IL36B: variants seen among roughly 807,000 people sequenced by gnomAD.
IL36B encodes the protein interleukin 36 beta, also known as interleukin-36 beta.
A neutral mutation model predicts 19.3 loss-of-function variants in IL36B; 23 were observed. The ratio of observed to expected loss-of-function variants is 1.19; its 90% CI spans 0.86 to 1.69. The LOEUF (loss-of-function observed/expected upper bound fraction) is 1.69, where lower values mean the gene tolerates loss of function less well. Among genes scored for constraint, IL36B ranks in the 40% most tolerant of loss-of-function variants. IL36B has a pLI of 0.00. For synonymous variants in IL36B, 59 were observed against 59.7 expected, an observed-to-expected ratio of 0.99 and a Z score of 0.05; for missense variants, 217 against 200.5, an observed-to-expected ratio of 1.08 and a Z score of -0.50.
At chr2:113,035,824 ACAATGCCT>A (rs1685157075) in intron 1 of IL36B, among the ~76,000 whole-genome samples, 1 of 152,190 alleles carries the variant, frequency 6.6e-6, no homozygotes, top group African/African-American at 2.4e-5. Context: ...TCTGACATAG[ACAATGCCT>A]TTCCTGACTG....
intron 1 of IL36B, among the ~76,000 whole-genome samples, chr2:113,034,246 T>C (rs935192606): frequency 1.3e-5 from 2 of 152,174 alleles, no homozygotes; most frequent in Non-Finnish European, 2.9e-5. Flanking sequence ...CCTGCAAGCT[T>C]ATCTTCGCCT....
intron 4 of IL36B, 94 bp from the exon 5 acceptor site, chr2:113,028,209 C>A: frequency 2.0e-6 from 2 of 976,970 alleles, no homozygotes; most frequent in Non-Finnish European, 3.2e-6. Context: ...GGGACTGCTG[C>A]CCCCAAAGGA....
chr2:113,040,601 C>T (rs13418761), intron 1 of IL36B, among the ~76,000 whole-genome samples: 7,602 of 152,120 alleles, frequency 0.05, 634 homozygotes, highest in African/African-American at 0.17. Flanking sequence ...TGGCAGCAGG[C>T]TATCAGAAAA....
At chr2:113,028,582 T>G (rs1370186852) in intron 4 of IL36B, among the ~76,000 whole-genome samples, 1 of 152,202 alleles carries the variant, frequency 6.6e-6, no homozygotes, top group Non-Finnish European at 1.5e-5. Context: ...AATCTTTTTG[T>G]CTCCTCTGCT....
rs1458255446 is a variant in IL36B, at chr2:113,037,747, T to C, written c.-57-5981A>G. Among the ~76,000 whole-genome samples, 3 of 152,344 alleles carry C rather than the reference T, an allele frequency of 2.0e-5. No homozygotes were observed. The East Asian group carries it at 5.8e-4, about 29-fold the overall frequency. Reference sequence around the variant, plus strand: ...AGAGGAGTTTTCTATATCCTTATGATTGTCCTTTAATATTTTCTGTCATTT... The same window carrying C: ...AGAGGAGTTTTCTATATCCTTATGACTGTCCTTTAATATTTTCTGTCATTT... On this transcript the variant is annotated intron_variant, in intron 1 of 5. Coordinates refer to ENST00000259213, the MANE Select transcript of IL36B (RefSeq NM_014438.5).
At chr2:113,047,675 C>A (rs1233380009) in intron 1 of IL36B, among the ~76,000 whole-genome samples, 33 of 152,140 alleles carry the variant, frequency 2.2e-4, no homozygotes, top group Non-Finnish European at 2.9e-5. Flanking sequence ...GGTATTGTGA[C>A]CTTTGAAATG....
Position 113,028,997 on chromosome 2 carries a change from C to T in IL36B, c.203G>A (p.Gly68Glu), listed in dbSNP as rs749951364. 1.2e-6 allele frequency: 2 copies of T among 1,614,118 alleles called. No homozygotes were observed. The highest frequency in any genetic ancestry group is 2.2e-5 in the South Asian group (2 of 91,068). ...TGCACAGAAGAGACAGAGATCTTTTCCCTTGATTCCCAGGTAAACCATATT... is the reference window on the plus strand; with the variant it reads ...TGCACAGAAGAGACAGAGATCTTTTTCCTTGATTCCCAGGTAAACCATATT... The change falls in exon 4 of 6, where the codon GGA becomes GAA. Residue 68 changes from glycine to glutamate, a missense_variant. Physicochemically the swap from Gly to Glu is moderately conservative, Grantham distance 98 (BLOSUM62 -2). Coordinates refer to ENST00000259213, the MANE Select transcript of IL36B (RefSeq NM_014438.5).
At chr2:113,026,865 AT>A (rs1188350991) in intron 4 of IL36B, among the ~76,000 whole-genome samples, 1 of 152,230 alleles carries the variant, frequency 6.6e-6, no homozygotes, top group Non-Finnish European at 1.5e-5. Flanking sequence ...TAAAATATGG[AT>A]TGGTTTACAT....
chr2:113,025,578 A>T (rs937152648), intron 5 of IL36B, among the ~76,000 whole-genome samples: 1 of 152,214 alleles, frequency 6.6e-6, no homozygotes. Flanking sequence ...AAGCTATAGC[A>T]CAAAGCCTAA....
intron 3 of IL36B, among the ~76,000 whole-genome samples, chr2:113,030,207 G>A (rs2105043466): frequency 6.6e-6 from 1 of 152,076 alleles, no homozygotes; most frequent in East Asian, 1.9e-4. Flanking sequence ...ACTCCAGCCT[G>A]GGTGACAGAG....
intron 1 of IL36B, among the ~76,000 whole-genome samples, chr2:113,050,817 G>A (rs186934500): frequency 2.3e-4 from 35 of 152,314 alleles, no homozygotes; most frequent in African/African-American, 7.5e-4. Flanking sequence ...GCTTTCTCAG[G>A]GGTAGCCCTG....
At chr2:113,050,400 A>G (rs922677195) in intron 1 of IL36B, among the ~76,000 whole-genome samples, 1 of 152,164 alleles carries the variant, frequency 6.6e-6, no homozygotes, top group African/African-American at 2.4e-5. Flanking sequence ...AAAGCAGTCA[A>G]ATTCATAGAG....
intron 2 of IL36B, among the ~76,000 whole-genome samples, chr2:113,031,358 C>T (rs771127243): frequency 1.1e-4 from 17 of 152,060 alleles, no homozygotes; most frequent in Non-Finnish European, 1.8e-4. Context: ...CGTGCAGTCA[C>T]AGTCCCAAGA....
chr2:113,046,900 C>T (rs1685360161), intron 1 of IL36B, among the ~76,000 whole-genome samples: 1 of 152,156 alleles, frequency 6.6e-6, no homozygotes, highest in African/African-American at 2.4e-5. Flanking sequence ...AGAGAAGTTA[C>T]TATGTGTAGC....
At chr2:113,027,241 T>C (rs2105040597) in intron 4 of IL36B, among the ~76,000 whole-genome samples, 192 bp downstream of exon 5, 1 of 152,286 alleles carries the variant, frequency 6.6e-6, no homozygotes, top group Admixed American at 6.5e-5. Context: ...TTGTTTTTGC[T>C]GTCTCAGGGG....
intron 1 of IL36B, among the ~76,000 whole-genome samples, chr2:113,040,945 C>A (rs1248399492): frequency 6.6e-6 from 1 of 152,096 alleles, no homozygotes; most frequent in East Asian, 1.9e-4. Flanking sequence ...GGCTTGAGCT[C>A]AGGAGTTTGT....
chr2:113,035,583 A>G (rs1476628751), intron 1 of IL36B, among the ~76,000 whole-genome samples: 1 of 152,240 alleles, frequency 6.6e-6, no homozygotes, highest in African/African-American at 2.4e-5. Flanking sequence ...CCAGTGAGAA[A>G]AAAAGCAAGT....
intron 1 of IL36B, among the ~76,000 whole-genome samples, chr2:113,039,869 A>AGGGGT (rs3049662): frequency 0.75 from 113,932 of 151,352 alleles, 43,322 homozygotes; most frequent in East Asian, 0.94. Flanking sequence ...CAGATAGCGA[A>AGGGGT]GGGAAACTGC....
chr2:113,029,945 A>G (rs1021848445), intron 3 of IL36B, among the ~76,000 whole-genome samples: 2 of 152,128 alleles, frequency 1.3e-5, no homozygotes, highest in African/African-American at 4.8e-5. Flanking sequence ...ATAGAAGGAG[A>G]AGATGGGCCA....
Sources: allele counts gnomAD v4.1 joint callset (sites outside exome capture counted in the v4.1 genomes callset), GRCh38; gene constraint gnomAD v4.1.1; transcripts MANE v1.5; gene names NCBI Gene and HGNC (gene_info 2026-07-23, HGNC 2026-07-21).